PIR: variants seen among roughly 807,000 people sequenced by gnomAD.
The protein encoded by PIR is pirin (iron-binding nuclear protein).
PIR carries 22 observed loss-of-function variants against 24.2 expected under a neutral mutation model. That is an observed-to-expected ratio of 0.91 (90% confidence interval 0.65 to 1.30). PIR has a LOEUF of 1.30. Among genes scored for constraint, PIR ranks in the 50% most tolerant of loss-of-function variants. PIR has a pLI of 0.00. For missense variants in PIR, 220 were observed against 220.3 expected (o/e 1.00, Z 0.01); for synonymous variants, 80 against 79.6 (o/e 1.00, Z -0.03).
At chrX:15,476,851 C>T (rs1922222579) in intron 3 of PIR, among the ~76,000 whole-genome samples, 1 of 111,482 alleles carries the variant, frequency 9.0e-6, no homozygotes, top group African/African-American at 3.3e-5. Context: ...TGAGGGAAAA[C>T]AGGAACCTTC....
At chrX:15,485,483 G>A (rs186882047) in intron 2 of PIR, among the ~76,000 whole-genome samples, 1 of 112,025 alleles carries the variant, frequency 8.9e-6, no homozygotes, top group Non-Finnish European at 1.9e-5. Flanking sequence ...GGAATTAGGA[G>A]TAGGGAAGAC....
rs1414046086 is a variant in PIR, at chrX:15,448,380, CTG to C, written c.480+7466_480+7467del. Reference sequence around the variant, plus strand: ...AATCCAAGCCAAGTTTTGCACTTGTCTGTGGAATGTTGCTGATCATCTGCTCA... The same window carrying C: ...AATCCAAGCCAAGTTTTGCACTTGTCTGGAATGTTGCTGATCATCTGCTCA... On this transcript the variant is annotated intron_variant, in intron 5 of 9. Transcript: ENST00000380420. Among the ~76,000 whole-genome samples the C allele has an allele frequency of 2.7e-5, 3 of 112,362 alleles. No individual in the cohort carries two copies. The Admixed American group carries it at 2.8e-4, about 11-fold the overall frequency.
At chrX:15,388,080 A>G (rs1165740146) in intron 9 of PIR, among the ~76,000 whole-genome samples, 1 of 112,285 alleles carries the variant, frequency 8.9e-6, no homozygotes, top group Non-Finnish European at 1.9e-5. Context: ...TCCAGAAAGC[A>G]TGTTTTTAAA....
chrX:15,399,786 C>T (rs2147007150), intron 7 of PIR, among the ~76,000 whole-genome samples: 1 of 111,556 alleles, frequency 9.0e-6, no homozygotes, highest in East Asian at 2.8e-4. Flanking sequence ...AAGAAGCACA[C>T]ATATAGCTAT....
chrX:15,491,662 C>G (rs753131109), intron 1 of PIR, among the ~76,000 whole-genome samples: 1 of 111,978 alleles, frequency 8.9e-6, no homozygotes, highest in Non-Finnish European at 1.9e-5. Flanking sequence ...ACAGTAGTCC[C>G]ATAAGACTAT....
intron 6 of PIR, among the ~76,000 whole-genome samples, chrX:15,419,050 C>A (rs1011234325): frequency 1.8e-5 from 2 of 108,799 alleles, no homozygotes; most frequent in Non-Finnish European, 3.8e-5. Context: ...ATATTTGATA[C>A]AACAAAGCAC....
chrX:15,391,643 T>A (rs1173375844), intron 8 of PIR, among the ~76,000 whole-genome samples: 1 of 112,194 alleles, frequency 8.9e-6, no homozygotes, highest in Non-Finnish European at 1.9e-5. Context: ...ATTACATATG[T>A]ACTTAGATAC....
intron 7 of PIR, among the ~76,000 whole-genome samples, chrX:15,402,826 A>G (rs1228184726): frequency 8.9e-6 from 1 of 111,815 alleles, no homozygotes; most frequent in African/African-American, 3.2e-5. Context: ...TTAGCAATTC[A>G]CTTTTACAAA....
intron 6 of PIR, among the ~76,000 whole-genome samples, chrX:15,425,571 C>T (rs1925283926): frequency 9.1e-6 from 1 of 110,304 alleles, no homozygotes; most frequent in Non-Finnish European, 1.9e-5. Context: ...GCCACCACGC[C>T]CAGCTAGTTT....
At chrX:15,447,143 G>A (rs1926130973) in intron 5 of PIR, among the ~76,000 whole-genome samples, 1 of 111,924 alleles carries the variant, frequency 8.9e-6, no homozygotes, top group Non-Finnish European at 1.9e-5. Flanking sequence ...ATCTGAACCC[G>A]AATTTGCTCA....
At position 15,390,195 on chromosome X, in the gene PIR, A is replaced by G. The variant is rs368773865; in HGVS notation, c.750T>C (p.Val250=). The G allele has an allele frequency of 5.3e-6, 6 of 1,132,025 alleles. No individual in the cohort carries two copies. The highest frequency in any genetic ancestry group is 7.2e-6 in the Non-Finnish European group (6 of 836,348). 93.3% of individuals were successfully genotyped at this position (1,132,025 alleles called of 1,213,427 possible). The change falls in exon 9 of 10, where the codon GTT becomes GTC. Residue 250 remains valine, a synonymous_variant. Coordinates refer to ENST00000380420, the MANE Select transcript of PIR (RefSeq NM_001018109.3). The stretch of plus-strand genomic sequence containing the variant: ...TCATTTTGGTCTTACCATGTTGGAT[A>G]ACTGGTTCTCTTAATGGCTCCCCAG... ...LIAGEPLREP[V]IQHGPFVMNT...
intron 7 of PIR, among the ~76,000 whole-genome samples, chrX:15,403,955 T>C (rs745484634): frequency 1.8e-5 from 2 of 110,448 alleles, no homozygotes; most frequent in Admixed American, 1.9e-4. Flanking sequence ...TTAAAATGAC[T>C]GACTTACTTT....
chrX:15,434,015 G>A (rs1327462298), intron 5 of PIR, among the ~76,000 whole-genome samples: 1 of 52,783 alleles, frequency 1.9e-5, no homozygotes, highest in Non-Finnish European at 3.3e-5. Flanking sequence ...AGAAGGAGGA[G>A]GAAGGAGAAA....
intron 2 of PIR, among the ~76,000 whole-genome samples, chrX:15,486,525 G>A (rs1326044341): frequency 9.0e-6 from 1 of 111,007 alleles, no homozygotes; most frequent in African/African-American, 3.3e-5. Flanking sequence ...ATACTGAGTG[G>A]TACTTGTTTT....
At chrX:15,416,012 C>T (rs1358935384) in intron 6 of PIR, among the ~76,000 whole-genome samples, 1 of 109,939 alleles carries the variant, frequency 9.1e-6, no homozygotes, top group Non-Finnish European at 1.9e-5. Flanking sequence ...ATTTGCAACA[C>T]AAATAACTGA....
At chrX:15,386,079 C>A (rs1211708057) in intron 9 of PIR, among the ~76,000 whole-genome samples, 3 of 112,067 alleles carry the variant, frequency 2.7e-5, no homozygotes, top group African/African-American at 9.7e-5. Context: ...GTCTTTAGAG[C>A]AGTTGACAGA....
intron 3 of PIR, among the ~76,000 whole-genome samples, chrX:15,469,747 A>G (rs1346444497): frequency 1.8e-5 from 2 of 111,796 alleles, no homozygotes; most frequent in Non-Finnish European, 3.8e-5. Context: ...CTAGATCATG[A>G]ACAGTGTTGC....
intron 5 of PIR, among the ~76,000 whole-genome samples, chrX:15,454,346 CA>C (rs1305952854): frequency 9.0e-6 from 1 of 110,711 alleles, no homozygotes; most frequent in Admixed American, 9.6e-5. Flanking sequence ...ATAGGTCTGC[CA>C]GGGGTGTGGA....
rs1193474348 is a variant in PIR at position 15,484,306 on chromosome X, CTT to C, written c.97-4487_97-4486del. On this transcript the variant is annotated intron_variant, in intron 2 of 9. Transcript: ENST00000380420. ...GAGCGGTAGATACAGTCTCAATTTT[CTT>C]TTTTTTTTTTTTTTTTTTTTTTTTG... Among the ~76,000 whole-genome samples, 97 of 67,485 alleles carry C rather than the reference CTT, an allele frequency of 1.4e-3. 10 individuals carry two copies. The highest frequency in any genetic ancestry group is 3.0e-3 in the African/African-American group (55 of 18,143). 58.6% of individuals were successfully genotyped at this position (67,485 alleles called of 115,157 possible).
Sources: gnomAD v4.1 joint callset for allele counts (sites outside exome capture counted in the v4.1 genomes callset) on GRCh38, gnomAD v4.1.1 for gene constraint, MANE v1.5 for transcripts, NCBI Gene and HGNC (gene_info 2026-07-23, HGNC 2026-07-21) for gene names.